COPG1: variants seen among roughly 807,000 people sequenced by gnomAD.
COPG1 encodes the protein coatomer subunit gamma-1.
Under a neutral mutation model 102.8 loss-of-function variants are expected in COPG1, and 29 were observed. The observed-to-expected ratio is 0.28, with a 90% confidence interval of 0.21 to 0.38. The LOEUF is 0.38. Ranked by LOEUF, COPG1 falls within the 10% of genes least tolerant of loss-of-function variation. The pLI is 1.00. For missense variants in COPG1, 875 were observed against 1,132.7 expected (o/e 0.77, Z 3.27); for synonymous variants, 406 against 421.6 (o/e 0.96, Z 0.45).
intron 20 of COPG1, 111 bp from the exon 21 acceptor site, chr3:129,272,696 A>T (rs1940205962): frequency 1.5e-6 from 1 of 664,676 alleles, no homozygotes; most frequent in East Asian, 2.7e-5. Flanking sequence ...CTAATAACAT[A>T]GCAGGGGCCT....
In COPG1 at chr3:129,275,327, A is replaced by G; in HGVS notation, c.2494+35A>G. 1 of 1,568,414 alleles carries G rather than the reference A, an allele frequency of 6.4e-7. No homozygotes were observed. Among genetic ancestry groups the G allele is most frequent in the Non-Finnish European group, 8.8e-7 (1 of 1,138,928 alleles). On this transcript the variant is annotated intron_variant, in intron 23 of 23. Coordinates refer to ENST00000314797, the MANE Select transcript of COPG1 (RefSeq NM_016128.4). This position sits in a 1 kb window ranked among gnomAD's most constrained non-coding sequence, Gnocchi z 5.0. ...ATTTCTAGATGGGGAGGGCCTGGAT[A>G]GCTTACAGCCTGGATGCCACTGGAT...
chr3:129,259,692 C>T lies in COPG1; in HGVS notation c.872-641C>T, dbSNP rs148177861. Among the ~76,000 whole-genome samples, 6 of 152,250 alleles carry T rather than the reference C, an allele frequency of 3.9e-5. No homozygotes were observed. The East Asian group carries it at 9.6e-4, about 24-fold the overall frequency. Reference sequence around the variant, plus strand: ...TTCCAGAAAACAGTAGTCATCTTCGCTCCTATGATTGAGTGCCAAATTTAG... The same window carrying T: ...TTCCAGAAAACAGTAGTCATCTTCGTTCCTATGATTGAGTGCCAAATTTAG... On this transcript the variant is annotated intron_variant, in intron 10 of 23. Coordinates refer to ENST00000314797, the MANE Select transcript of COPG1 (RefSeq NM_016128.4).
At chr3:129,261,181 G>T (rs539918902) in intron 12 of COPG1, among the ~76,000 whole-genome samples, 1 of 152,340 alleles carries the variant, frequency 6.6e-6, no homozygotes, top group South Asian at 2.1e-4. Flanking sequence ...AGGGATGGGA[G>T]AGGAACAGTA....
chr3:129,252,193 G>A (rs1560061420), intron 2 of COPG1, 88 bp from the exon 3 acceptor site: 2 of 945,972 alleles, frequency 2.1e-6, no homozygotes, highest in East Asian at 4.8e-5. Flanking sequence ...AGACAAGTCA[G>A]TTTACCCTGA....
At chr3:129,255,159 A>G in intron 7 of COPG1, 82 bp downstream of exon 7, 2 of 896,098 alleles carry the variant, frequency 2.2e-6, no homozygotes, top group South Asian at 1.5e-5. Context: ...AGTAGGAAAA[A>G]AGAAAGTGTT....
At position 129,275,384 on chromosome 3, in the gene COPG1, G is replaced by A. The variant is rs1354795952; in HGVS notation, c.2494+92G>A. 3 of 880,504 alleles carry A rather than the reference G, an allele frequency of 3.4e-6. No individual in the cohort carries two copies. The highest frequency in any genetic ancestry group is 3.3e-5 in the African/African-American group (2 of 59,756). The allele number at this position is 880,504 out of a possible 1,614,324, so 54.5% of individuals were successfully genotyped here. A position where few individuals can be genotyped will look rare whatever the true frequency, so the allele number is the denominator to read the frequency against. The stretch of plus-strand genomic sequence containing the variant: ...CTAAGGACTCCACTGTAAATATGGG[G>A]AGTCAAAATTCACAGCATTTAAAAT... On this transcript the variant is annotated intron_variant, in intron 23 of 23. Coordinates refer to ENST00000314797, the MANE Select transcript of COPG1 (RefSeq NM_016128.4). The surrounding 1 kb of genome is among the most constrained non-coding windows in gnomAD (Gnocchi z 5.0).
chr3:129,268,310 T>C (rs1940108548), intron 16 of COPG1, among the ~76,000 whole-genome samples, 185 bp from the exon 17 acceptor site: 1 of 152,244 alleles, frequency 6.6e-6, no homozygotes, highest in Non-Finnish European at 1.5e-5. Flanking sequence ...TATATATGTT[T>C]ATTCCCCACA....
rs59294610 is a variant in COPG1 at position 129,275,971 on chromosome 3, T to TACAC, written c.2494+703_2494+706dup. On this transcript the variant is annotated intron_variant, in intron 23 of 23. Coordinates refer to ENST00000314797, the MANE Select transcript of COPG1 (RefSeq NM_016128.4). The surrounding 1 kb of genome is among the most constrained non-coding windows in gnomAD (Gnocchi z 5.0). The stretch of plus-strand genomic sequence containing the variant: ...ACAGATGTTACAGTAAATAATCGTG[T>TACAC]ACACACACACACACACACACACACA... Among the ~76,000 whole-genome samples, 73 of 149,394 alleles carry TACAC rather than the reference T, an allele frequency of 4.9e-4. No individual in the cohort carries two copies. Among genetic ancestry groups the TACAC allele is most frequent in the Admixed American group, 1.8e-3 (27 of 14,938 alleles).
At chr3:129,268,903 G>A (rs374158224) in intron 17 of COPG1, 29 bp from the exon 18 acceptor site, 32 of 1,606,190 alleles carry the variant, frequency 2.0e-5, no homozygotes, top group African/African-American at 8.0e-5. Context: ...CCAGCTGTTG[G>A]TCATCACGTG....
chr3:129,252,235 A>T (rs1398435773), intron 2 of COPG1, 46 bp from the exon 3 acceptor site: 1 of 1,338,428 alleles, frequency 7.5e-7, no homozygotes, highest in Admixed American at 1.7e-5. Context: ...ACTTGAAGGG[A>T]AATGAACTAG....
intron 3 of COPG1, 112 bp from the exon 4 acceptor site, chr3:129,252,511 T>C: frequency 9.5e-7 from 1 of 1,053,710 alleles, no homozygotes; most frequent in Non-Finnish European, 1.5e-6. Flanking sequence ...CCAAGTCTCA[T>C]ATGTTGCCCT....
At position 129,271,882 on chromosome 3, in the gene COPG1, C is replaced by T. The variant is rs1408864665; in HGVS notation, c.1959C>T (p.His653=). The T allele has an allele frequency of 2.8e-5, 45 of 1,614,052 alleles. No individual in the cohort carries two copies. Among genetic ancestry groups the T allele is most frequent in the Non-Finnish European group, 3.7e-5 (44 of 1,180,012 alleles). Residue 653 remains histidine (H), a synonymous_variant, in exon 19 of 24, where the codon CAC becomes CAT. Coordinates refer to ENST00000314797, the MANE Select transcript of COPG1 (RefSeq NM_016128.4). The surrounding 1 kb of genome is among the most constrained non-coding windows in gnomAD (Gnocchi z 4.7). ...ETEYVIRCTK[H]TFTNHMVFQF... ...AGTATGTCATCCGCTGCACCAAACA[C>T]ACCTTCACCAACCACATGGTTTTTC...
At chr3:129,268,893 C>G in intron 17 of COPG1, 39 bp from the exon 18 acceptor site, 1 of 1,575,074 alleles carries the variant, frequency 6.3e-7, no homozygotes, top group Non-Finnish European at 8.7e-7. Flanking sequence ...CCCCGTGACT[C>G]CAGCTGTTGG....
chr3:129,272,702 G>A, intron 20 of COPG1, 105 bp from the exon 21 acceptor site: 1 of 682,998 alleles, frequency 1.5e-6, no homozygotes, highest in Non-Finnish European at 2.6e-6. Context: ...ACATAGCAGG[G>A]GCCTAGAAAG....
chr3:129,272,506 A>G (rs936791067), intron 20 of COPG1, 91 bp downstream of exon 20: 5 of 1,043,026 alleles, frequency 4.8e-6, no homozygotes, highest in South Asian at 3.1e-5. Context: ...TTTGCCTTCT[A>G]TTAGAGCTTC....
At chr3:129,250,912 C>CTTTTTT (rs10706690) in intron 2 of COPG1, 178 bp downstream of exon 2, 5 of 202,494 alleles carry the variant, frequency 2.5e-5, no homozygotes, top group African/African-American at 5.0e-5. Flanking sequence ...ATGCTTACTT[C>CTTTTTT]TTTTTTTTTT....
chr3:129,260,292 C>A, intron 10 of COPG1, 41 bp from the exon 11 acceptor site: 1 of 1,589,872 alleles, frequency 6.3e-7, no homozygotes, highest in Non-Finnish European at 8.6e-7. Flanking sequence ...AGCTGCCCAG[C>A]AGTGAAGGCA....
intron 16 of COPG1, among the ~76,000 whole-genome samples, 191 bp downstream of exon 16, chr3:129,268,231 T>TGAATTGAAAC (rs1029966073): frequency 1.1e-4 from 16 of 152,254 alleles, no homozygotes; most frequent in African/African-American, 3.4e-4. Flanking sequence ...AATTGTCCAG[T>TGAATTGAAAC]GAATTGAAAC....
rs1326756382 is a variant in COPG1, at chr3:129,249,610, G to A, written c.-100G>A. The stretch of plus-strand genomic sequence containing the variant: ...AGAGCGCTGGGCGACGTGGCCAGTC[G>A]GGGCCCGGAAGTGGTCCCTGTAGAA... On this transcript the variant is annotated 5_prime_UTR_variant, in exon 1 of 24. Coordinates refer to ENST00000314797, the MANE Select transcript of COPG1 (RefSeq NM_016128.4). The A allele has an allele frequency of 2.2e-6, 3 of 1,383,126 alleles. No individual in the cohort carries two copies. Among genetic ancestry groups the A allele is most frequent in the African/African-American group, 2.9e-5 (2 of 69,442 alleles). The allele number at this position is 1,383,126 out of a possible 1,614,324, so 85.7% of individuals were successfully genotyped here.
Sources: allele counts gnomAD v4.1 joint callset (sites outside exome capture counted in the v4.1 genomes callset), GRCh38; gene constraint gnomAD v4.1.1; non-coding constraint Gnocchi (gnomAD v3.1); transcripts MANE v1.5; gene names NCBI Gene and HGNC (gene_info 2026-07-23, HGNC 2026-07-21).